ATP10A: variants seen among roughly 807,000 people sequenced by gnomAD.
ATP10A encodes the protein ATPase phospholipid transporting 10A (putative), also known as phospholipid-transporting ATPase VA.
ATP10A carries 111 observed loss-of-function variants against 147.8 expected under a neutral mutation model. That is an observed-to-expected ratio of 0.75 (90% CI 0.64 to 0.88). ATP10A has a LOEUF of 0.88. Ranked by LOEUF, ATP10A falls within the 40% of genes least tolerant of loss-of-function variation. The pLI, the probability that ATP10A is intolerant of heterozygous loss-of-function variation, is 0.00. For synonymous variants in ATP10A, 875 were observed against 841.6 expected (o/e 1.04, Z -0.69); for missense variants, 1,927 against 1,959.0 (o/e 0.98, Z 0.31).
At chr15:25,802,917 C>T (rs1486859499) in intron 1 of ATP10A, among the ~76,000 whole-genome samples, 1 of 152,168 alleles carries the variant, frequency 6.6e-6, no homozygotes, top group Non-Finnish European at 1.5e-5. Flanking sequence ...GGTCATTAAT[C>T]TGCCTAAAAC....
At chr15:25,705,616 C>T (rs1485090692) in intron 12 of ATP10A, among the ~76,000 whole-genome samples, 5 of 152,214 alleles carry the variant, frequency 3.3e-5, no homozygotes. Flanking sequence ...GGCTCCCATA[C>T]TCTCCAGCTC....
At chr15:25,831,481 C>T (rs1184011358) in intron 1 of ATP10A, among the ~76,000 whole-genome samples, 1 of 152,162 alleles carries the variant, frequency 6.6e-6, no homozygotes, top group African/African-American at 2.4e-5. Context: ...GTGAAAATGG[C>T]TTTTTGTGGA....
chr15:25,844,637 C>T (rs533289523), intron 1 of ATP10A, among the ~76,000 whole-genome samples: 2 of 152,328 alleles, frequency 1.3e-5, no homozygotes, highest in East Asian at 1.9e-4. Flanking sequence ...CCGCCCCATG[C>T]ACCCTGAGTG....
intron 16 of ATP10A, 72 bp from the exon 17 acceptor site, chr15:25,683,558 C>A (rs1410683364): frequency 7.2e-7 from 1 of 1,388,390 alleles, no homozygotes; most frequent in Non-Finnish European, 9.9e-7. Flanking sequence ...TCCGAGGGAG[C>A]TGACAGGCCT....
At chr15:25,791,715 C>T (rs1890436689) in intron 1 of ATP10A, among the ~76,000 whole-genome samples, 1 of 152,132 alleles carries the variant, frequency 6.6e-6, no homozygotes, top group South Asian at 2.1e-4. Context: ...GTATTCTTTC[C>T]TCTCTTCTTG....
chr15:25,761,346 GGAAA>G (rs1194844789), intron 2 of ATP10A, among the ~76,000 whole-genome samples: 2 of 152,210 alleles, frequency 1.3e-5, no homozygotes, highest in African/African-American at 4.8e-5. Context: ...AATTTATAAA[GGAAA>G]GAGAGTTAAT....
chr15:25,797,678 C>G (rs1336204871), intron 1 of ATP10A, among the ~76,000 whole-genome samples: 2 of 152,218 alleles, frequency 1.3e-5, no homozygotes, highest in Non-Finnish European at 2.9e-5. Context: ...CAGCCCAGCT[C>G]CACAGCACGC....
chr15:25,778,917 C>T (rs1014924660), intron 2 of ATP10A, among the ~76,000 whole-genome samples: 3 of 152,174 alleles, frequency 2.0e-5, no homozygotes, highest in Non-Finnish European at 4.4e-5. Context: ...CGCTCTGTCA[C>T]CCAGGCTGGA....
chr15:25,719,266 G>A (rs919361624), intron 7 of ATP10A, among the ~76,000 whole-genome samples: 7 of 152,188 alleles, frequency 4.6e-5, no homozygotes, highest in South Asian at 2.1e-4. Context: ...CCGGCCAGCC[G>A]CGTGGACCAC....
At position 25,722,803 on chromosome 15, in the gene ATP10A, T is replaced by A. The variant is rs149994618; in HGVS notation, c.1111-894A>T. On this transcript the variant is annotated intron_variant, in intron 6 of 20. Transcript: ENST00000555815. Reference sequence around the variant, plus strand: ...TCTGGTCACTCAGTTCCCAGGAAGGTTGGTAGTGACCCCACTGCCCCCTCG... The same window carrying A: ...TCTGGTCACTCAGTTCCCAGGAAGGATGGTAGTGACCCCACTGCCCCCTCG... 5.3e-4 allele frequency among the ~76,000 whole-genome samples: 80 copies of A among 152,238 alleles called. 1 individual carries two copies. In the East Asian group the frequency reaches 0.014, roughly 27 times the overall value.
Position 25,695,142 on chromosome 15 carries a change from G to A in ATP10A, c.2765C>T (p.Ala922Val), listed in dbSNP as rs781545276. 2.0e-4 allele frequency: 327 copies of A among 1,608,710 alleles called. No individual in the cohort carries two copies. The highest frequency in any genetic ancestry group is 2.7e-4 in the Non-Finnish European group (322 of 1,176,486). The change falls in exon 14 of 21, where the codon GCG becomes GTG. Residue 922 changes from alanine to valine, a missense_variant. By Grantham distance (64) the Ala-to-Val change is moderately conservative. Transcript: ENST00000555815. ...VITLNATSQE[A>V]CAALLDQCLC... The stretch of plus-strand genomic sequence containing the variant: ...GCACTGGTCTAGCAGGGCTGCACAC[G>A]CCTCCTGAAAGGGACATGAGAGGAC...
chr15:25,729,780 C>T (rs1018766301), intron 3 of ATP10A, among the ~76,000 whole-genome samples: 13 of 152,322 alleles, frequency 8.5e-5, no homozygotes, highest in Non-Finnish European at 1.6e-4. Flanking sequence ...CCATGCCACA[C>T]TCCCAGGCCC....
intron 1 of ATP10A, among the ~76,000 whole-genome samples, chr15:25,832,550 A>G (rs762029426): frequency 6.6e-6 from 1 of 150,756 alleles, no homozygotes; most frequent in Non-Finnish European, 1.5e-5. Flanking sequence ...TACAGGTCCT[A>G]TGTAAATTCG....
intron 2 of ATP10A, among the ~76,000 whole-genome samples, chr15:25,747,287 CAA>C (rs34660034): frequency 0.65 from 72,793 of 112,492 alleles, 24,288 homozygotes; most frequent in Non-Finnish European, 0.8. Context: ...AACTCCATCT[CAA>C]AAAAAAAAAA....
At chr15:25,681,221 A>G in intron 17 of ATP10A, 147 bp from the exon 18 acceptor site, 2 of 729,844 alleles carry the variant, frequency 2.7e-6, no homozygotes. Flanking sequence ...GGGAAAGGCC[A>G]TGAAGGGAGG....
At chr15:25,723,766 C>T in intron 6 of ATP10A, 125 bp downstream of exon 6, 1 of 802,258 alleles carries the variant, frequency 1.2e-6, no homozygotes, top group Non-Finnish European at 1.8e-6. Context: ...AGGCAGAACT[C>T]CAGGTAGATA....
chr15:25,762,650 T>C (rs996058742), intron 2 of ATP10A, among the ~76,000 whole-genome samples: 4 of 152,188 alleles, frequency 2.6e-5, no homozygotes, highest in African/African-American at 7.2e-5. Context: ...AGCACAATCA[T>C]AGCTCACTGC....
intron 2 of ATP10A, among the ~76,000 whole-genome samples, chr15:25,776,691 C>T (rs1430409878): frequency 2.0e-5 from 3 of 152,170 alleles, no homozygotes; most frequent in Admixed American, 6.5e-5. Context: ...GCCATCAGCC[C>T]GGTGTCTAGG....
chr15:25,796,582 G>A (rs1053648634), intron 1 of ATP10A, among the ~76,000 whole-genome samples: 4 of 152,194 alleles, frequency 2.6e-5, no homozygotes, highest in African/African-American at 9.7e-5. Flanking sequence ...AGTCATCGGG[G>A]AGCTGCTAGC....
Sources: allele counts gnomAD v4.1 joint callset (sites outside exome capture counted in the v4.1 genomes callset), GRCh38; gene constraint gnomAD v4.1.1; transcripts MANE v1.5; gene names NCBI Gene and HGNC (gene_info 2026-07-23, HGNC 2026-07-21).